Variants in FBLN5 observed in about 807,000 individuals in gnomAD.
FBLN5 encodes fibulin 5.
A neutral mutation model predicts 61.6 loss-of-function variants in FBLN5; 24 were observed. That is an observed-to-expected ratio of 0.39 (90% confidence interval 0.28 to 0.55). The LOEUF (loss-of-function observed/expected upper bound fraction) is 0.55, where lower values mean the gene tolerates loss of function less well. Ranked by LOEUF, FBLN5 falls within the 20% of genes least tolerant of loss-of-function variation. The pLI is 0.65. For synonymous variants in FBLN5, 213 were observed against 219.8 expected, an observed-to-expected ratio of 0.97 and a Z score of 0.27; for missense variants, 470 against 594.1, an observed-to-expected ratio of 0.79 and a Z score of 2.17.
rs1337975230 is a variant in FBLN5 at position 91,881,348 on chromosome 14, G to A, written c.933C>T (p.Gly311=). 6.2e-7 allele frequency: 1 copy of A among 1,614,010 alleles called. No individual in the cohort carries two copies. Among genetic ancestry groups the A allele is most frequent in the Non-Finnish European group, 8.5e-7 (1 of 1,179,976 alleles). The stretch of plus-strand genomic sequence containing the variant: ...AGCGGATGGGGTCAATGCATTTGAA[G>A]CCCCCTTGTAAATTGTAGCACGTCT... ...LQQTCYNLQG[G]FKCIDPIRCE... Residue 311 remains glycine (G), a synonymous_variant, in exon 9 of 11, where the codon GGC becomes GGT. Transcript: ENST00000342058.
intron 4 of FBLN5, among the ~76,000 whole-genome samples, chr14:91,918,262 C>T (rs1401148252): frequency 6.6e-6 from 1 of 152,186 alleles, no homozygotes; most frequent in Non-Finnish European, 1.5e-5. Context: ...CTGCCAAAAC[C>T]CAGCTGTTTC....
chr14:91,938,143 G>T (rs977421782), intron 3 of FBLN5, among the ~76,000 whole-genome samples: 1 of 152,196 alleles, frequency 6.6e-6, no homozygotes, highest in African/African-American at 2.4e-5. Context: ...AGGGGAGAAA[G>T]AGTCTCTTGC....
At chr14:91,878,021 G>T (rs754021932) in intron 9 of FBLN5, 1 of 455,948 alleles carries the variant, frequency 2.2e-6, no homozygotes, top group South Asian at 1.7e-5. Flanking sequence ...CTGGGCGGCA[G>T]AGCAAGACCC....
At chr14:91,877,903 T>G in intron 9 of FBLN5, 1 of 642,364 alleles carries the variant, frequency 1.6e-6, no homozygotes, top group Non-Finnish European at 2.9e-6. Flanking sequence ...AACCAGATGT[T>G]CTGGCTACTA....
At chr14:91,907,825 T>C (rs1890745153) in intron 4 of FBLN5, among the ~76,000 whole-genome samples, 3 of 152,102 alleles carry the variant, frequency 2.0e-5, no homozygotes, top group Admixed American at 1.3e-4. Context: ...TCTTAGGAAA[T>C]GTTTTCTCCA....
chr14:91,903,769 G>C (rs1303353672), intron 4 of FBLN5, among the ~76,000 whole-genome samples: 1 of 152,042 alleles, frequency 6.6e-6, no homozygotes, highest in African/African-American at 2.4e-5. Context: ...TCATACAATT[G>C]CCATGGCCAG....
intron 9 of FBLN5, among the ~76,000 whole-genome samples, chr14:91,879,813 CCT>C (rs1256864090): frequency 6.6e-6 from 1 of 152,218 alleles, no homozygotes; most frequent in Non-Finnish European, 1.5e-5. Context: ...GCCATGAATT[CCT>C]CTCTTAGAGG....
At chr14:91,886,922 C>T (rs1486693582) in intron 7 of FBLN5, among the ~76,000 whole-genome samples, 1 of 152,164 alleles carries the variant, frequency 6.6e-6, no homozygotes, top group Non-Finnish European at 1.5e-5. Flanking sequence ...TGACTGCTCT[C>T]CCTCTTCAAC....
At chr14:91,876,611 G>A (rs1399758701) in intron 10 of FBLN5, among the ~76,000 whole-genome samples, 1 of 152,316 alleles carries the variant, frequency 6.6e-6, no homozygotes, top group East Asian at 1.9e-4. Context: ...AGAGGAGGCA[G>A]CGTGACCACA....
At chr14:91,889,058 C>T (rs1240459350) in intron 6 of FBLN5, among the ~76,000 whole-genome samples, 5 of 152,206 alleles carry the variant, frequency 3.3e-5, no homozygotes, top group Non-Finnish European at 7.4e-5. Flanking sequence ...TTCCTGCCTC[C>T]TAGCATCTCT....
At chr14:91,927,828 C>T (rs10149504) in intron 4 of FBLN5, among the ~76,000 whole-genome samples, 44,468 of 152,212 alleles carry the variant, frequency 0.29, 7,224 homozygotes, top group Middle Eastern at 0.47. Flanking sequence ...CAACACCACT[C>T]GCTTTTCACA....
chr14:91,915,956 G>A (rs984028369), intron 4 of FBLN5, among the ~76,000 whole-genome samples: 7 of 152,038 alleles, frequency 4.6e-5, no homozygotes, highest in Admixed American at 2.0e-4. Context: ...AAATGTGGCA[G>A]GTCATTCTAC....
In FBLN5 at chr14:91,943,314, G is replaced by A. The variant is rs536632449; in HGVS notation, c.18-353C>T. ...GCTTGAACCCAGGAGTTTGAGACAA[G>A]CCTGGGCAACATGGTGAAACCCCAT... On this transcript the variant is annotated intron_variant, in intron 1 of 10. Coordinates refer to ENST00000342058, the MANE Select transcript of FBLN5 (RefSeq NM_006329.4). The surrounding 1 kb of genome is among the most constrained non-coding windows in gnomAD (Gnocchi z 4.0). 2.6e-5 allele frequency among the ~76,000 whole-genome samples: 4 copies of A among 152,142 alleles called. No homozygotes were observed. Among genetic ancestry groups the A allele is most frequent in the Non-Finnish European group, 5.9e-5 (4 of 68,004 alleles).
In FBLN5 at chr14:91,947,035, G is replaced by A. The variant is rs1176904952; in HGVS notation, c.17+178C>T. The stretch of plus-strand genomic sequence containing the variant: ...ACCCACTCCCAAAAGAACGCTTCAA[G>A]ATGGAAATTACAGAGGCGCAGCTTT... On this transcript the variant is annotated intron_variant, in intron 1 of 10. Coordinates refer to ENST00000342058, the MANE Select transcript of FBLN5 (RefSeq NM_006329.4). The surrounding 1 kb of genome is among the most constrained non-coding windows in gnomAD (Gnocchi z 4.3). 6.5e-7 allele frequency: 1 copy of A among 1,533,578 alleles called. No homozygotes were observed. Among genetic ancestry groups the A allele is most frequent in the African/African-American group, 1.4e-5 (1 of 71,880 alleles). 95.0% of individuals were successfully genotyped at this position (1,533,578 alleles called of 1,614,324 possible).
At chr14:91,891,050 T>C (rs1889971785) in intron 6 of FBLN5, among the ~76,000 whole-genome samples, 171 bp downstream of exon 6, 1 of 152,214 alleles carries the variant, frequency 6.6e-6, no homozygotes, top group African/African-American at 2.4e-5. Flanking sequence ...ATGCTTCGCA[T>C]AGCAAGGTTC....
chr14:91,921,474 T>C (rs1194392482), intron 4 of FBLN5, among the ~76,000 whole-genome samples: 1 of 152,004 alleles, frequency 6.6e-6, no homozygotes, highest in Non-Finnish European at 1.5e-5. Context: ...AACAAACAAA[T>C]ACATAAAAAG....
intron 4 of FBLN5, among the ~76,000 whole-genome samples, chr14:91,911,238 G>C (rs1890917704): frequency 6.6e-6 from 1 of 152,160 alleles, no homozygotes; most frequent in Non-Finnish European, 1.5e-5. Context: ...GCCCACCTCA[G>C]CCTCCCAAAG....
At chr14:91,905,446 C>G (rs1266263475) in intron 4 of FBLN5, among the ~76,000 whole-genome samples, 2 of 152,134 alleles carry the variant, frequency 1.3e-5, no homozygotes, top group African/African-American at 4.8e-5. Context: ...TGACGATGAC[C>G]TAGGGGAAGG....
chr14:91,889,108 G>A (rs111525344), intron 6 of FBLN5, among the ~76,000 whole-genome samples: 3 of 152,348 alleles, frequency 2.0e-5, no homozygotes, highest in African/African-American at 7.2e-5. Context: ...AACAGCTGTA[G>A]AGAGAGGGTC....
Sources: allele counts gnomAD v4.1 joint callset (sites outside exome capture counted in the v4.1 genomes callset), GRCh38; gene constraint gnomAD v4.1.1; non-coding constraint Gnocchi (gnomAD v3.1); transcripts MANE v1.5; gene names NCBI Gene and HGNC (gene_info 2026-07-23, HGNC 2026-07-21).